The following PTPRD variants were observed in gnomAD, a reference collection of about 807,000 sequenced individuals.
PTPRD encodes the protein protein tyrosine phosphatase receptor type D.
PTPRD carries 34 observed loss-of-function variants against 214.5 expected under a neutral mutation model. That is an observed-to-expected ratio of 0.16 (90% confidence interval 0.12 to 0.21). The LOEUF is 0.21. Among genes scored for constraint, PTPRD ranks in the 10% least tolerant of loss-of-function variants. The probability of loss-of-function intolerance (pLI) is 1.00; values close to 1 mark genes in which losing one functional copy is unlikely to be tolerated. For synonymous variants in PTPRD, 1,128 were observed against 845.7 expected (o/e 1.33, Z -5.79); for missense variants, 2,545 against 2,398.7 (o/e 1.06, Z -1.27).
chr9:8,800,299 T>C lies in PTPRD; in HGVS notation c.-103-66353A>G, dbSNP rs149673452. Among the ~76,000 whole-genome samples the C allele has an allele frequency of 2.0e-5, 3 of 152,266 alleles. No individual in the cohort carries two copies. The East Asian group carries it at 5.8e-4, about 29-fold the overall frequency. On this transcript the variant is annotated intron_variant, in intron 11 of 45. Transcript: ENST00000381196. ...CATGTCAGCCATTCTGTCAGAGGCA[T>C]GTGAGCCAGAGCAACTCCATCTTGA... is the stretch of plus-strand genomic sequence containing the variant.
chr9:10,117,639 C>T (rs2154243776), intron 3 of PTPRD, among the ~76,000 whole-genome samples: 1 of 143,638 alleles, frequency 7.0e-6, no homozygotes, highest in Admixed American at 7.5e-5. Context: ...ATAATAATAG[C>T]AGTCATTAGA....
chr9:9,732,331 T>C (rs2098211923), intron 7 of PTPRD, among the ~76,000 whole-genome samples: 1 of 152,098 alleles, frequency 6.6e-6, no homozygotes, highest in Admixed American at 6.6e-5. Flanking sequence ...TTTCCCACAC[T>C]GGTCACATTA....
chr9:8,675,520 T>TACACAC lies in PTPRD; in HGVS notation c.65-38682_65-38677dup, dbSNP rs1188291707. ...TACACACTACACACATATGCACACA[T>TACACAC]ACACACACACACACACACAAAAAAA... On this transcript the variant is annotated intron_variant, in intron 12 of 45. Coordinates refer to ENST00000381196, the MANE Select transcript of PTPRD (RefSeq NM_002839.4). Among the ~76,000 whole-genome samples, 171 of 82,920 alleles carry TACACAC rather than the reference T, an allele frequency of 2.1e-3. 3 individuals carry two copies. Among genetic ancestry groups the TACACAC allele is most frequent in the African/African-American group, 3.1e-3 (60 of 19,164 alleles). The allele number at this position is 82,920 out of a possible 152,430, so 54.4% of individuals were successfully genotyped here. A position where few individuals can be genotyped will look rare whatever the true frequency, so the allele number is the denominator to read the frequency against.
intron 4 of PTPRD, among the ~76,000 whole-genome samples, chr9:9,980,374 G>A (rs2095497356): frequency 1.3e-5 from 2 of 151,690 alleles, no homozygotes; most frequent in Non-Finnish European, 1.5e-5. Flanking sequence ...TTGGGAGGCC[G>A]AGGTGGGCGG....
chr9:9,284,769 GTTA>G (rs1948837544), intron 9 of PTPRD, among the ~76,000 whole-genome samples: 1 of 151,758 alleles, frequency 6.6e-6, no homozygotes, highest in South Asian at 2.1e-4. Context: ...TCTTGGCTCC[GTTA>G]TTAACTAGTC....
chr9:10,041,683 A>T (rs550111323), intron 3 of PTPRD, among the ~76,000 whole-genome samples: 7 of 152,094 alleles, frequency 4.6e-5, no homozygotes, highest in African/African-American at 1.4e-4. Flanking sequence ...AATGTCACTA[A>T]CTTATTTAAT....
chr9:10,409,654 G>A (rs7856278), intron 2 of PTPRD, among the ~76,000 whole-genome samples: 84,513 of 151,632 alleles, frequency 0.56, 26,060 homozygotes, highest in Non-Finnish European at 0.71. Context: ...CATCATACTT[G>A]ACACTTTTCT....
At chr9:9,420,869 C>T (rs2078555822) in intron 8 of PTPRD, among the ~76,000 whole-genome samples, 1 of 151,846 alleles carries the variant, frequency 6.6e-6, no homozygotes, top group Non-Finnish European at 1.5e-5. Flanking sequence ...AATATCTTTT[C>T]ATAAATGCAG....
chr9:9,842,514 A>T (rs1054498925), intron 5 of PTPRD, among the ~76,000 whole-genome samples: 2 of 151,912 alleles, frequency 1.3e-5, no homozygotes, highest in African/African-American at 4.8e-5. Context: ...GTGGGAGGGA[A>T]GAAAAAAGAA....
chr9:10,401,194 A>G (rs1175136048), intron 2 of PTPRD, among the ~76,000 whole-genome samples: 2 of 151,632 alleles, frequency 1.3e-5, no homozygotes, highest in Non-Finnish European at 3.0e-5. Flanking sequence ...CGCTTGTTCA[A>G]TTTTGCCTAA....
chr9:8,527,195 G>C, intron 16 of PTPRD, 150 bp downstream of exon 16: 1 of 730,162 alleles, frequency 1.4e-6, no homozygotes, highest in Non-Finnish European at 2.2e-6. Flanking sequence ...TAACAGTTCT[G>C]TGGAGGTGTG....
In PTPRD at chr9:10,199,135, G is replaced by A. The variant is rs115479261; in HGVS notation, c.-545+141828C>T. 3.0e-3 allele frequency among the ~76,000 whole-genome samples: 453 copies of A among 151,674 alleles called. 3 individuals are homozygous for A. Among genetic ancestry groups the A allele is most frequent in the African/African-American group, 9.1e-3 (377 of 41,360 alleles). ...TCACATTCTGGCACTTCTTAGGAGT[G>A]GATGCAGTACTCACAATATGCTCTA... On this transcript the variant is annotated intron_variant, in intron 3 of 45. Transcript: ENST00000381196.
chr9:9,530,304 G>A (rs1225634810), intron 8 of PTPRD, among the ~76,000 whole-genome samples: 1 of 152,010 alleles, frequency 6.6e-6, no homozygotes, highest in Non-Finnish European at 1.5e-5. Flanking sequence ...TGAAAAAGGA[G>A]ACATTACAAT....
intron 12 of PTPRD, among the ~76,000 whole-genome samples, chr9:8,647,217 G>C (rs556242668): frequency 1.3e-5 from 2 of 152,218 alleles, no homozygotes; most frequent in Admixed American, 1.3e-4. Flanking sequence ...TCATCACAGA[G>C]CTCTCTTCCC....
At chr9:10,343,318 T>C (rs564089429) in intron 2 of PTPRD, among the ~76,000 whole-genome samples, 5 of 152,290 alleles carry the variant, frequency 3.3e-5, no homozygotes, top group African/African-American at 1.2e-4. Flanking sequence ...CATCCTTTTT[T>C]ATGGCTGCAT....
chr9:9,637,432 A>G (rs932049460), intron 7 of PTPRD, among the ~76,000 whole-genome samples: 1 of 152,228 alleles, frequency 6.6e-6, no homozygotes, highest in African/African-American at 2.4e-5. Flanking sequence ...AAAGGGAGCA[A>G]TAGAAAAGAA....
intron 35 of PTPRD, among the ~76,000 whole-genome samples, chr9:8,414,333 G>C (rs558498719): frequency 6.6e-6 from 1 of 152,178 alleles, no homozygotes; most frequent in South Asian, 2.1e-4. Flanking sequence ...TTTGTACTGT[G>C]TTTTCCAATT....
intron 4 of PTPRD, among the ~76,000 whole-genome samples, chr9:9,949,875 G>C (rs548988510): frequency 2.0e-5 from 3 of 152,142 alleles, no homozygotes; most frequent in Admixed American, 2.0e-4. Context: ...ACCGCATTGA[G>C]TTATTGAATC....
chr9:8,449,329 G>C (rs77962638), intron 34 of PTPRD, among the ~76,000 whole-genome samples: 410 of 145,990 alleles, frequency 2.8e-3, no homozygotes, highest in African/African-American at 8.1e-3. Flanking sequence ...ACAAATCTAT[G>C]CTTTCCCATG....
Sources: gnomAD v4.1 joint callset for allele counts (sites outside exome capture counted in the v4.1 genomes callset) on GRCh38, gnomAD v4.1.1 for gene constraint, MANE v1.5 for transcripts, NCBI Gene and HGNC (gene_info 2026-07-23, HGNC 2026-07-21) for gene names.